UBR2: variants seen among roughly 807,000 people sequenced by gnomAD.
UBR2 encodes the protein E3 ubiquitin-protein ligase UBR2.
Under a neutral mutation model 247.9 loss-of-function variants are expected in UBR2, and 92 were observed. The ratio of observed to expected loss-of-function variants is 0.37; its 90% confidence interval spans 0.31 to 0.44. The LOEUF (loss-of-function observed/expected upper bound fraction) is 0.44, where lower values mean the gene tolerates loss of function less well. Among genes scored for constraint, UBR2 ranks in the 20% least tolerant of loss-of-function variants. The pLI is 1.00. For synonymous variants in UBR2, 672 were observed against 693.5 expected (o/e 0.97, Z 0.49); for missense variants, 1,613 against 2,112.6 (o/e 0.76, Z 4.64).
chr6:42,691,203 G>A lies in UBR2; in HGVS notation c.*30G>A, dbSNP rs530815159. On this transcript the variant is annotated 3_prime_UTR_variant, in exon 47 of 47. Transcript: ENST00000372901. Reference sequence around the variant, plus strand: ...TGCACCACCAAAAAACACAAACTTGGATTTTTTTAACCCAGTTGGCTTTTT... The same window carrying A: ...TGCACCACCAAAAAACACAAACTTGAATTTTTTTAACCCAGTTGGCTTTTT... The A allele has an allele frequency of 6.2e-7, 1 of 1,605,638 alleles. No individual in the cohort carries two copies. Among genetic ancestry groups the A allele is most frequent in the South Asian group, 1.1e-5 (1 of 88,626 alleles).
intron 13 of UBR2, among the ~76,000 whole-genome samples, chr6:42,633,232 C>T (rs1412367052): frequency 6.6e-6 from 1 of 152,004 alleles, no homozygotes; most frequent in Non-Finnish European, 1.5e-5. Flanking sequence ...CGCATCTTTT[C>T]ATTTCGTGCA....
chr6:42,657,673 G>A (rs1406192446), intron 26 of UBR2, among the ~76,000 whole-genome samples: 1 of 152,152 alleles, frequency 6.6e-6, no homozygotes, highest in Non-Finnish European at 1.5e-5. Flanking sequence ...AAACATATTT[G>A]TGCATATATG....
intron 3 of UBR2, 29 bp from the exon 4 acceptor site, chr6:42,594,162 G>A: frequency 1.3e-6 from 2 of 1,534,760 alleles, no homozygotes; most frequent in Non-Finnish European, 1.8e-6. Context: ...AATATTTATT[G>A]ACAAGATACT....
chr6:42,658,743 G>A lies in UBR2; in HGVS notation c.3161G>A (p.Arg1054Gln), dbSNP rs773272485. 41 of 1,612,922 alleles carry A rather than the reference G, an allele frequency of 2.5e-5. No homozygotes were observed. The highest frequency in any genetic ancestry group is 6.6e-5 in the South Asian group (6 of 91,030). ...ATGGCTCAGATGTCTGAAATGCAGC[G>A]GCATTTTATTGATGAAAACAAAGAA... ...KIMAQMSEMQ[R>Q]HFIDENKELF... Residue 1054 changes from arginine (R) to glutamine (Q), a missense_variant, in exon 29 of 47, where the codon CGG (arginine) becomes CAG (glutamine). Transcript: ENST00000372901.
In UBR2 at chr6:42,612,119, C is replaced by T. The variant is rs370273502; in HGVS notation, c.865-52C>T. 74 of 1,448,346 alleles carry T rather than the reference C, an allele frequency of 5.1e-5. No homozygotes were observed. In the African/African-American group the frequency reaches 1.0e-3, roughly 20 times the overall value. 89.7% of individuals were successfully genotyped at this position (1,448,346 alleles called of 1,614,324 possible). Reference sequence around the variant, plus strand: ...AGTAAAAATAATAACTTTGTTCTGCCAATAGAATAGCTTTTTAAGTTAATT... The same window carrying T: ...AGTAAAAATAATAACTTTGTTCTGCTAATAGAATAGCTTTTTAAGTTAATT... On this transcript the variant is annotated intron_variant, in intron 7 of 46. Coordinates refer to ENST00000372901, the MANE Select transcript of UBR2 (RefSeq NM_001363705.2).
chr6:42,686,726 G>T (rs529753168), intron 44 of UBR2, among the ~76,000 whole-genome samples: 1 of 150,846 alleles, frequency 6.6e-6, no homozygotes, highest in Non-Finnish European at 1.5e-5. Flanking sequence ...CCTCCCGGAC[G>T]GGGCAGCTGG....
intron 44 of UBR2, among the ~76,000 whole-genome samples, chr6:42,686,461 T>G (rs1582738018): frequency 1.3e-5 from 2 of 151,268 alleles, no homozygotes; most frequent in South Asian, 4.2e-4. Flanking sequence ...CAAAATGGAG[T>G]CTCCTATGTC....
chr6:42,680,468 G>T (rs1798976083), intron 42 of UBR2, among the ~76,000 whole-genome samples: 1 of 152,114 alleles, frequency 6.6e-6, no homozygotes, highest in South Asian at 2.1e-4. Context: ...TTTAAGAGAT[G>T]GGGTTTTGCC....
chr6:42,564,424 G>A (rs1211968152), intron 1 of UBR2, 27 bp downstream of exon 1: 1 of 1,600,008 alleles, frequency 6.2e-7, no homozygotes, highest in African/African-American at 1.3e-5. Flanking sequence ...GGGCGGGTGC[G>A]TCTGCCCCTC....
Position 42,676,810 on chromosome 6 carries a change from C to T in UBR2, c.4415C>T (p.Pro1472Leu), listed in dbSNP as rs201635437. ...TEENGMDQEN[P>L]PCEEESAVLA... Reference sequence around the variant, plus strand: ...GAGAATGGCATGGATCAAGAAAATCCCCCTTGTGAAGAAGAATCAGCAGTT... The same window carrying T: ...GAGAATGGCATGGATCAAGAAAATCTCCCTTGTGAAGAAGAATCAGCAGTT... The change falls in exon 40 of 47, where the codon CCC becomes CTC. Residue 1472 changes from proline to leucine, a missense_variant. Physicochemically the swap from Pro to Leu is moderately conservative, Grantham distance 98 (BLOSUM62 -3). Around this residue, in one of 3 missense-constraint regions of UBR2, gnomAD observed 1,524 missense variants for 1,967.3 expected, o/e 0.77. Transcript: ENST00000372901. 24 of 1,613,754 alleles carry T rather than the reference C, an allele frequency of 1.5e-5. No individual in the cohort carries two copies. The highest frequency in any genetic ancestry group is 1.9e-5 in the Non-Finnish European group (23 of 1,179,924).
chr6:42,586,524 T>G (rs915028868), intron 2 of UBR2, among the ~76,000 whole-genome samples: 1 of 149,614 alleles, frequency 6.7e-6, no homozygotes, highest in Non-Finnish European at 1.5e-5. Context: ...GCTATTTGTT[T>G]TCAGTTTGTC....
intron 34 of UBR2, among the ~76,000 whole-genome samples, chr6:42,667,153 T>G (rs1798150801): frequency 1.3e-5 from 2 of 152,042 alleles, no homozygotes; most frequent in South Asian, 4.1e-4. Flanking sequence ...CTAGCCAACA[T>G]GATGAAACCC....
At chr6:42,616,609 T>C (rs1218834518) in intron 10 of UBR2, among the ~76,000 whole-genome samples, 1 of 151,692 alleles carries the variant, frequency 6.6e-6, no homozygotes, top group East Asian at 1.9e-4. Flanking sequence ...AAATATTTCA[T>C]GCTAAGGAAA....
chr6:42,687,703 G>C (rs1799525206), intron 44 of UBR2, among the ~76,000 whole-genome samples: 1 of 151,958 alleles, frequency 6.6e-6, no homozygotes, highest in South Asian at 2.1e-4. Context: ...ACCATGCCTG[G>C]CTAATTTTTG....
intron 2 of UBR2, among the ~76,000 whole-genome samples, chr6:42,575,237 A>G (rs1791430464): frequency 1.3e-5 from 2 of 152,168 alleles, no homozygotes; most frequent in South Asian, 4.1e-4. Context: ...TAAAACTGAA[A>G]TTTAATAAGC....
intron 40 of UBR2, among the ~76,000 whole-genome samples, chr6:42,677,827 A>G (rs1375921434): frequency 6.6e-6 from 1 of 152,220 alleles, no homozygotes; most frequent in Non-Finnish European, 1.5e-5. Context: ...ATTGAAAGCA[A>G]TCTAAGTGTT....
chr6:42,622,853 T>G (rs1262742727), intron 11 of UBR2, among the ~76,000 whole-genome samples: 1 of 151,706 alleles, frequency 6.6e-6, no homozygotes, highest in East Asian at 1.9e-4. Flanking sequence ...TTTTTTTTTT[T>G]TAAGATGGGG....
rs372416417 is a variant in UBR2, at chr6:42,617,568, T to G, written c.1281+61T>G. The G allele has an allele frequency of 6.1e-5, 88 of 1,441,072 alleles. No individual in the cohort carries two copies. The East Asian group carries it at 7.4e-4, about 12-fold the overall frequency. The allele number at this position is 1,441,072 out of a possible 1,614,324, so 89.3% of individuals were successfully genotyped here. ...TCCATTAACAGAGGCCTTAAAATAA[T>G]AGAGAACTAAAGTCTGTATATTCCT... On this transcript the variant is annotated intron_variant, in intron 11 of 46. Transcript: ENST00000372901.
chr6:42,623,430 C>T (rs1473822637), intron 11 of UBR2, among the ~76,000 whole-genome samples: 2 of 152,072 alleles, frequency 1.3e-5, no homozygotes, highest in Non-Finnish European at 2.9e-5. Flanking sequence ...CACCACTGAG[C>T]CCAACTTGGT....
Sources: allele counts gnomAD v4.1 joint callset (sites outside exome capture counted in the v4.1 genomes callset), GRCh38; gene constraint gnomAD v4.1.1; regional missense constraint gnomAD v4.1.1; transcripts MANE v1.5; gene names NCBI Gene and HGNC (gene_info 2026-07-23, HGNC 2026-07-21).